TNKS1BP1: variants seen among roughly 807,000 people sequenced by gnomAD.
TNKS1BP1 encodes CCR4-NOT transcription complex subunit 12.
Under a neutral mutation model 141.1 loss-of-function variants are expected in TNKS1BP1, and 48 were observed. That is an observed-to-expected ratio of 0.34 (90% confidence interval 0.27 to 0.43). The LOEUF (loss-of-function observed/expected upper bound fraction) is 0.43, where lower values mean the gene tolerates loss of function less well. Ranked by LOEUF, TNKS1BP1 falls within the 20% of genes least tolerant of loss-of-function variation. The pLI is 1.00. For missense variants in TNKS1BP1, 2,149 were observed against 2,226.0 expected (o/e 0.97, Z 0.70); for synonymous variants, 875 against 898.2 (o/e 0.97, Z 0.46).
chr11:57,320,822 ATCTT>A, intron 2 of TNKS1BP1, 110 bp from the exon 3 acceptor site: 1 of 1,292,548 alleles, frequency 7.7e-7, no homozygotes, highest in African/African-American at 1.5e-5. Context: ...GAATATTCAC[ATCTT>A]TCTAGGCACA....
chr11:57,301,902 C>G lies in TNKS1BP1; in HGVS notation c.4876G>C (p.Val1626Leu). The change falls in exon 9 of 12, where the codon GTG becomes CTG. Residue 1626 changes from valine to leucine, a missense_variant. Physicochemically the swap from Val to Leu is conservative, Grantham distance 32. Coordinates refer to ENST00000358252, the MANE Select transcript of TNKS1BP1 (RefSeq NM_033396.3). ...SRVPSSDEEV[V>L]EEPQSRRTRM... ...GTCCGGCGGCTCTGAGGTTCCTCCA[C>G]TACCTCTTCATCTGAAGATGGCACC... 1.2e-6 allele frequency: 2 copies of G among 1,614,142 alleles called. No homozygotes were observed. The highest frequency in any genetic ancestry group is 1.7e-6 in the Non-Finnish European group (2 of 1,180,030).
At chr11:57,320,745 T>A in intron 2 of TNKS1BP1, 33 bp from the exon 3 acceptor site, 4 of 1,518,790 alleles carry the variant, frequency 2.6e-6, no homozygotes, top group Non-Finnish European at 3.5e-6. Context: ...GGGGGAGCTG[T>A]CAGAAGAACC....
rs566710936 is a variant in TNKS1BP1, at chr11:57,319,074, G to A, written c.728+1005C>T. 4.9e-4 allele frequency among the ~76,000 whole-genome samples: 75 copies of A among 151,694 alleles called. 1 individual carries two copies. Among genetic ancestry groups the A allele is most frequent in the Non-Finnish European group, 9.9e-4 (67 of 67,918 alleles). ...ACAGGAGAATGGCGTGAACCCAGGA[G>A]GTGGAGCTTGCAGTGAGCCGAGATT... On this transcript the variant is annotated intron_variant, in intron 3 of 11. Transcript: ENST00000358252.
Position 57,313,081 on chromosome 11 carries a change from C to A in TNKS1BP1, c.1607G>T (p.Ser536Ile). 1 of 1,613,664 alleles carries A rather than the reference C, an allele frequency of 6.2e-7. No individual in the cohort carries two copies. The highest frequency in any genetic ancestry group is 8.5e-7 in the Non-Finnish European group (1 of 1,180,030). Residue 536 changes from serine (S) to isoleucine (I), a missense_variant, in exon 5 of 12, where the codon AGT becomes ATT. Coordinates refer to ENST00000358252, the MANE Select transcript of TNKS1BP1 (RefSeq NM_033396.3). ...QQGQGAGSAP[S>I]GSGSSWVQGD... ...CTGCACCCAGGAACTTCCTGACCCA[C>A]TTGGAGCTGACCCAGCCCCTTGCCC...
Position 57,320,227 on chromosome 11 carries a change from T to C in TNKS1BP1, c.580A>G (p.Ser194Gly). 6.2e-7 allele frequency: 1 copy of C among 1,614,142 alleles called. No individual in the cohort carries two copies. The highest frequency in any genetic ancestry group is 2.2e-5 in the East Asian group (1 of 44,880). Residue 194 changes from serine to glycine, a missense_variant, in exon 3 of 12, where the codon AGC (serine) becomes GGC (glycine). By Grantham distance (56) the Ser-to-Gly change is moderately conservative. Coordinates refer to ENST00000358252, the MANE Select transcript of TNKS1BP1 (RefSeq NM_033396.3). ...GSRLTFNHDG[S>G]SRYGPRTYGT... ...TAGGTCCTGGGGCCATATCGCGAGC[T>C]GCCATCGTGGTTAAAGGTGAGGCGG...
chr11:57,307,453 TCTC>T (rs1465725369), intron 6 of TNKS1BP1, among the ~76,000 whole-genome samples: 3 of 151,702 alleles, frequency 2.0e-5, no homozygotes, highest in Non-Finnish European at 2.9e-5. Flanking sequence ...CTCTCTCCCT[TCTC>T]CTCCTCCATC....
chr11:57,319,186 C>G (rs1237250909), intron 3 of TNKS1BP1, among the ~76,000 whole-genome samples: 1 of 151,698 alleles, frequency 6.6e-6, no homozygotes, highest in Non-Finnish European at 1.5e-5. Flanking sequence ...TCTCTTACCT[C>G]TCCCATCAGA....
At chr11:57,320,031 CA>C in intron 3 of TNKS1BP1, 47 bp downstream of exon 3, 10 of 1,558,784 alleles carry the variant, frequency 6.4e-6, no homozygotes, top group African/African-American at 1.4e-5. Context: ...AATCCCACCC[CA>C]CCTGACCTCC....
At position 57,302,520 on chromosome 11, in the gene TNKS1BP1, G is replaced by A. The variant is rs755447417; in HGVS notation, c.4622C>T (p.Ser1541Phe). The change falls in exon 7 of 12, where the codon TCT becomes TTT. Residue 1541 changes from serine to phenylalanine, a missense_variant. Coordinates refer to ENST00000358252, the MANE Select transcript of TNKS1BP1 (RefSeq NM_033396.3). The surrounding 1 kb of genome is among the most constrained non-coding windows in gnomAD (Gnocchi z 5.5). ...RWSDQGPAQTSRRPSQGPPAR... is the reference protein window; with the variant it reads ...RWSDQGPAQTFRRPSQGPPAR... ...AGGAGGGCCTTGGGAGGGTCGCCGAGAAGTCTGTGCTGGCCCCTGATCGCT... is the reference window on the plus strand; with the variant it reads ...AGGAGGGCCTTGGGAGGGTCGCCGAAAAGTCTGTGCTGGCCCCTGATCGCT... 2.5e-6 allele frequency: 4 copies of A among 1,612,082 alleles called. No individual in the cohort carries two copies. The African/African-American group carries it at 5.3e-5, about 22-fold the overall frequency.
In TNKS1BP1 at chr11:57,312,860, C is replaced by A. The variant is rs369018452; in HGVS notation, c.1828G>T (p.Ala610Ser). The A allele has an allele frequency of 5.8e-5, 94 of 1,608,982 alleles. No individual in the cohort carries two copies. Among genetic ancestry groups the A allele is most frequent in the Non-Finnish European group, 7.8e-5 (92 of 1,177,212 alleles). Residue 610 changes from alanine to serine, a missense_variant, in exon 5 of 12, where the codon GCA (alanine) becomes TCA (serine). By Grantham distance (99) the Ala-to-Ser change is moderately conservative. Coordinates refer to ENST00000358252, the MANE Select transcript of TNKS1BP1 (RefSeq NM_033396.3). The stretch of plus-strand genomic sequence containing the variant: ...ACTGGCTCCAGGATGGGCAAGGCTG[C>A]CTCCCTGGTAGCCAGGGGGAGAGGG... ...ESPLPLATRE[A>S]ALPILEPVLG...
intron 3 of TNKS1BP1, 69 bp downstream of exon 3, chr11:57,320,010 A>AT: frequency 6.8e-7 from 1 of 1,481,362 alleles, no homozygotes; most frequent in Non-Finnish European, 9.2e-7. Context: ...CTTGGTCCCC[A>AT]GCCCCCACCC....
At chr11:57,310,926 T>C (rs998355544) in intron 5 of TNKS1BP1, among the ~76,000 whole-genome samples, 2 of 152,194 alleles carry the variant, frequency 1.3e-5, no homozygotes, top group African/African-American at 4.8e-5. Flanking sequence ...TGGCAGGCAG[T>C]GCACTTTCCT....
At chr11:57,322,669 C>T (rs1855906079) in intron 1 of TNKS1BP1, among the ~76,000 whole-genome samples, 1 of 152,234 alleles carries the variant, frequency 6.6e-6, no homozygotes, top group African/African-American at 2.4e-5. Context: ...TGGCCTCCCA[C>T]TGGATTTCCA....
intron 4 of TNKS1BP1, among the ~76,000 whole-genome samples, chr11:57,314,121 T>C (rs570141688): frequency 1.3e-5 from 2 of 152,316 alleles, no homozygotes; most frequent in East Asian, 3.9e-4. Context: ...CTATCCTTAT[T>C]CACAAAGCAT....
At chr11:57,312,478 AC>A in intron 5 of TNKS1BP1, 55 bp downstream of exon 5, 1 of 1,399,034 alleles carries the variant, frequency 7.1e-7, no homozygotes. Flanking sequence ...AATGAAGCCC[AC>A]CCAAGCCCTG....
At chr11:57,305,040 G>A (rs993906115) in intron 6 of TNKS1BP1, among the ~76,000 whole-genome samples, 1 of 152,026 alleles carries the variant, frequency 6.6e-6, no homozygotes, top group Non-Finnish European at 1.5e-5. Flanking sequence ...AACCCCACTC[G>A]CCCTTCACCC....
At chr11:57,315,548 C>A (rs1444356527) in intron 4 of TNKS1BP1, among the ~76,000 whole-genome samples, 1 of 152,132 alleles carries the variant, frequency 6.6e-6, no homozygotes, top group South Asian at 2.1e-4. Flanking sequence ...TCCAGATTCA[C>A]TGCTGACCTC....
chr11:57,309,397 C>T lies in TNKS1BP1; in HGVS notation c.3314G>A (p.Gly1105Glu). The T allele has an allele frequency of 6.2e-7, 1 of 1,614,154 alleles. No individual in the cohort carries two copies. The highest frequency in any genetic ancestry group is 8.5e-7 in the Non-Finnish European group (1 of 1,180,038). ...GPQREAAFSP[G>E]QQDWSRDFCI... Reference sequence around the variant, plus strand: ...GAAGTCCCGGCTCCAGTCCTGCTGCCCTGGGCTAAATGCTGCCTCTCGCTG... The same window carrying T: ...GAAGTCCCGGCTCCAGTCCTGCTGCTCTGGGCTAAATGCTGCCTCTCGCTG... Residue 1105 changes from glycine to glutamate, a missense_variant, in exon 6 of 12, where the codon GGG (glycine) becomes GAG (glutamate). Transcript: ENST00000358252. The surrounding 1 kb of genome is among the most constrained non-coding windows in gnomAD (Gnocchi z 4.3).
chr11:57,321,743 T>TGGGGG, intron 2 of TNKS1BP1, 49 bp downstream of exon 2: 10 of 1,186,750 alleles, frequency 8.4e-6, no homozygotes, highest in South Asian at 1.3e-5. Context: ...GCCTCTGTCC[T>TGGGGG]TCCCACCCCC....
Sources: gnomAD v4.1 joint callset for allele counts (sites outside exome capture counted in the v4.1 genomes callset) on GRCh38, gnomAD v4.1.1 for gene constraint, Gnocchi (gnomAD v3.1) non-coding constraint, MANE v1.5 for transcripts, NCBI Gene and HGNC (gene_info 2026-07-23, HGNC 2026-07-21) for gene names.